MDM1: variants seen among roughly 807,000 people sequenced by gnomAD.
MDM1 encodes the protein stabilizer of axonemal microtubules 6, also known as Mdm1 nuclear protein.
A neutral mutation model predicts 89.1 loss-of-function variants in MDM1; 61 were observed. The observed-to-expected ratio is 0.68, with a 90% CI of 0.56 to 0.85. The LOEUF (loss-of-function observed/expected upper bound fraction) is 0.85. Ranked by LOEUF, MDM1 falls within the 40% of genes least tolerant of loss-of-function variation. The pLI, the probability that MDM1 is intolerant of heterozygous loss-of-function variation, is 0.00. For synonymous variants in MDM1, 290 were observed against 294.1 expected (o/e 0.99, Z 0.14); for missense variants, 820 against 846.5 (o/e 0.97, Z 0.39).
chr12:68,315,866 C>G (rs1669795897), intron 9 of MDM1, among the ~76,000 whole-genome samples: 1 of 152,108 alleles, frequency 6.6e-6, no homozygotes, highest in African/African-American at 2.4e-5. Context: ...AAAAATCTAG[C>G]CTTCCAGATT....
At position 68,296,920 on chromosome 12, in the gene MDM1, T is replaced by C. The variant is rs1871473538; in HGVS notation, c.2062+3A>G. 1 of 1,583,070 alleles carries C rather than the reference T, an allele frequency of 6.3e-7. No individual in the cohort carries two copies. The highest frequency in any genetic ancestry group is 1.2e-5 in the South Asian group (1 of 84,450). On this transcript the variant is annotated splice_donor_region_variant and intron_variant, in intron 14 of 14. Transcript: ENST00000682720. ...CTTTTATGTTATGTGACTACTGAAA[T>C]ACCTTCATCATTAAAGGCTTCATGT...
At chr12:68,302,016 G>A (rs140870036) in intron 13 of MDM1, among the ~76,000 whole-genome samples, 7 of 152,082 alleles carry the variant, frequency 4.6e-5, no homozygotes, top group Non-Finnish European at 8.8e-5. Flanking sequence ...TCAAGAAAAT[G>A]TTCCAGAAGT....
At chr12:68,311,450 G>A (rs1195868396) in intron 12 of MDM1, among the ~76,000 whole-genome samples, 1 of 152,144 alleles carries the variant, frequency 6.6e-6, no homozygotes, top group African/African-American at 2.4e-5. Context: ...TCACCAAGAA[G>A]CAATAAGAAG....
intron 8 of MDM1, 121 bp from the exon 9 acceptor site, chr12:68,316,374 A>G: frequency 8.9e-7 from 1 of 1,118,864 alleles, no homozygotes; most frequent in African/African-American, 1.6e-5. Flanking sequence ...GGAAGGCAAA[A>G]TTAGCCACAT....
Position 68,325,568 on chromosome 12 carries a change from C to CT in MDM1, c.505dup (p.Arg169LysfsTer5). The CT allele has an allele frequency of 6.5e-7, 1 of 1,537,886 alleles. No individual in the cohort carries two copies. The highest frequency in any genetic ancestry group is 1.9e-4 in the Middle Eastern group (1 of 5,310). On this transcript the variant is annotated frameshift_variant, in exon 4 of 15. Transcript: ENST00000682720. LOFTEE classifies it high-confidence loss of function. ...CAATCCAGCTTTCTTACGCAGAAGT[C>CT]TATCCAACTGTTCAAAAAACAAAAT...
intron 2 of MDM1, among the ~76,000 whole-genome samples, chr12:68,328,505 T>C (rs982586261): frequency 4.6e-5 from 7 of 152,198 alleles, no homozygotes; most frequent in Non-Finnish European, 1.0e-4. Context: ...ATATGTAAAA[T>C]ATATAAGCAC....
At chr12:68,298,887 G>A (rs2120735042) in intron 13 of MDM1, among the ~76,000 whole-genome samples, 1 of 151,922 alleles carries the variant, frequency 6.6e-6, no homozygotes, top group East Asian at 1.9e-4. Flanking sequence ...CACACCACAG[G>A]GGAATGAGAT....
intron 1 of MDM1, among the ~76,000 whole-genome samples, chr12:68,331,823 C>A (rs1876868579): frequency 6.6e-6 from 1 of 152,182 alleles, no homozygotes; most frequent in South Asian, 2.1e-4. Context: ...TACTAAGAAC[C>A]CATTTCTCAA....
intron 7 of MDM1, among the ~76,000 whole-genome samples, chr12:68,317,385 T>G (rs184114807): frequency 6.6e-6 from 1 of 152,108 alleles, no homozygotes; most frequent in Admixed American, 6.5e-5. Flanking sequence ...AAATCTTTAT[T>G]CTAGAATTGC....
At chr12:68,297,841 G>A (rs1351762797) in intron 13 of MDM1, among the ~76,000 whole-genome samples, 1 of 152,108 alleles carries the variant, frequency 6.6e-6, no homozygotes, top group African/African-American at 2.4e-5. Context: ...AAAGCAATAT[G>A]CAATGTTCAA....
At chr12:68,301,856 G>C (rs1322921652) in intron 13 of MDM1, among the ~76,000 whole-genome samples, 4 of 151,560 alleles carry the variant, frequency 2.6e-5, no homozygotes, top group Non-Finnish European at 5.9e-5. Context: ...TAATTTTTTT[G>C]TAACAGAGAC....
Position 68,296,969 on chromosome 12 carries a change from C to T in MDM1, c.2016G>A (p.Arg672=), listed in dbSNP as rs759783273. The change falls in exon 14 of 15, where the codon AGG becomes AGA. Residue 672 remains arginine (R), a synonymous_variant. Transcript: ENST00000682720. ...PEFQHNVGKA[R]MNNLQLPQHE... The stretch of plus-strand genomic sequence containing the variant: ...GTTGAGGTAACTGCAAATTGTTCAT[C>T]CTTGCTTTTCCCACTTAAAAAAAAA... The T allele has an allele frequency of 1.6e-5, 25 of 1,591,946 alleles. No homozygotes were observed. In the South Asian group the frequency reaches 2.5e-4, roughly 16 times the overall value.
chr12:68,313,395 C>T (rs898731642), intron 12 of MDM1, 48 bp downstream of exon 12: 20 of 1,284,976 alleles, frequency 1.6e-5, no homozygotes, highest in African/African-American at 1.3e-4. Flanking sequence ...CATGTGTCTA[C>T]AATAATTAGT....
intron 13 of MDM1, among the ~76,000 whole-genome samples, chr12:68,298,427 C>T (rs1871700023): frequency 1.3e-5 from 2 of 152,164 alleles, no homozygotes; most frequent in Non-Finnish European, 2.9e-5. Context: ...CCCCAACAGT[C>T]AGGCAAGCTT....
chr12:68,318,879 T>C (rs1874845371), intron 7 of MDM1, among the ~76,000 whole-genome samples: 1 of 152,010 alleles, frequency 6.6e-6, no homozygotes, highest in Admixed American at 6.6e-5. Context: ...ATGCAGAAAA[T>C]TCAAACTCAA....
chr12:68,316,619 GGA>G lies in MDM1; in HGVS notation c.1006-11_1006-10del. 6.5e-7 allele frequency: 1 copy of G among 1,533,536 alleles called. No individual in the cohort carries two copies. 95.0% of individuals were successfully genotyped at this position (1,533,536 alleles called of 1,614,324 possible). ...ATGGCATTTAGAGAACCCTAGAGAA[GGA>G]ATACAGAAACACACTTAATGATAGG... On this transcript the variant is annotated splice_polypyrimidine_tract_variant and intron_variant, in intron 7 of 14. Transcript: ENST00000682720.
intron 7 of MDM1, 63 bp from the exon 8 acceptor site, chr12:68,316,673 G>A: frequency 7.3e-6 from 9 of 1,233,696 alleles, no homozygotes; most frequent in Admixed American, 2.2e-5. Flanking sequence ...ATATTAATGG[G>A]AATCAATGAA....
At chr12:68,303,845 G>A (rs1338830862) in intron 12 of MDM1, among the ~76,000 whole-genome samples, 2 of 152,196 alleles carry the variant, frequency 1.3e-5, no homozygotes, top group Non-Finnish European at 2.9e-5. Flanking sequence ...CAGTACATGT[G>A]AGATATTTAC....
intron 1 of MDM1, 70 bp downstream of exon 1, chr12:68,332,158 C>A: frequency 4.7e-6 from 7 of 1,504,532 alleles, no homozygotes; most frequent in Non-Finnish European, 6.2e-6. Flanking sequence ...GCAGCGTGAC[C>A]TCGGCGCTCC....
Sources: allele counts gnomAD v4.1 joint callset (sites outside exome capture counted in the v4.1 genomes callset), GRCh38; gene constraint gnomAD v4.1.1; transcripts MANE v1.5; gene names NCBI Gene and HGNC (gene_info 2026-07-23, HGNC 2026-07-21).